Variants in ATP9B observed in about 807,000 individuals in gnomAD.
ATP9B encodes ATPase phospholipid transporting 9B.
Under a neutral mutation model 146.1 loss-of-function variants are expected in ATP9B, and 110 were observed. The ratio of observed to expected loss-of-function variants is 0.75; its 90% confidence interval spans 0.65 to 0.88. The LOEUF (loss-of-function observed/expected upper bound fraction) is 0.88, where lower values mean the gene tolerates loss of function less well. Among genes scored for constraint, ATP9B ranks in the 40% least tolerant of loss-of-function variants. The pLI is 0.00. For missense variants in ATP9B, 1,499 were observed against 1,496.4 expected, an observed-to-expected ratio of 1.00 and a Z score of -0.03; for synonymous variants, 604 against 569.7, an observed-to-expected ratio of 1.06 and a Z score of -0.86.
rs376334170 is a variant in ATP9B, at chr18:79,282,526, G to C, written c.1411+5330G>C. 2.6e-5 allele frequency among the ~76,000 whole-genome samples: 4 copies of C among 152,316 alleles called. No homozygotes were observed. The South Asian group carries it at 8.3e-4, about 32-fold the overall frequency. On this transcript the variant is annotated intron_variant, in intron 13 of 29. Transcript: ENST00000426216. ...GCAAAAAGATTAAAAGTTGCTGAAG[G>C]CTCAGATGATTGTTAGCACGTTTTA...
intron 15 of ATP9B, among the ~76,000 whole-genome samples, chr18:79,311,673 A>G (rs1229013499): frequency 2.0e-5 from 3 of 152,246 alleles, no homozygotes; most frequent in African/African-American, 7.2e-5. Context: ...GTGAAAAAGT[A>G]GCCAAAACGA....
intron 4 of ATP9B, among the ~76,000 whole-genome samples, chr18:79,124,372 G>A (rs2094244752): frequency 6.6e-6 from 1 of 152,226 alleles, no homozygotes; most frequent in Non-Finnish European, 1.5e-5. Flanking sequence ...TCTAAAAAAA[G>A]AATACAGTGT....
rs149838901 is a variant in ATP9B at position 79,346,908 on chromosome 18, C to T, written c.2683-862C>T. On this transcript the variant is annotated intron_variant, in intron 23 of 29. Coordinates refer to ENST00000426216, the MANE Select transcript of ATP9B (RefSeq NM_198531.5). ...GAATAAAGGAGGAATTGGTCGGAGT[C>T]CCCCGCTTTGACCTCACATTTCATA... 2.4e-3 allele frequency among the ~76,000 whole-genome samples: 367 copies of T among 152,366 alleles called. 1 individual carries two copies. Among genetic ancestry groups the T allele is most frequent in the South Asian group, 6.4e-3 (31 of 4,830 alleles).
intron 3 of ATP9B, among the ~76,000 whole-genome samples, chr18:79,112,003 G>A: frequency 6.6e-6 from 1 of 152,136 alleles, no homozygotes; most frequent in East Asian, 1.9e-4. Context: ...TTTATTTCCT[G>A]CTGAGATTAA....
chr18:79,156,194 T>C (rs2094778216), intron 7 of ATP9B, among the ~76,000 whole-genome samples: 1 of 152,214 alleles, frequency 6.6e-6, no homozygotes, highest in Non-Finnish European at 1.5e-5. Flanking sequence ...TATTATGTGT[T>C]GTTTCATGTG....
At chr18:79,217,285 C>T (rs575741833) in intron 11 of ATP9B, among the ~76,000 whole-genome samples, 1 of 152,308 alleles carries the variant, frequency 6.6e-6, no homozygotes, top group Non-Finnish European at 1.5e-5. Flanking sequence ...CCCGAGTTCA[C>T]GCCATTCTCC....
chr18:79,349,046 G>A (rs1358853086), intron 25 of ATP9B, among the ~76,000 whole-genome samples: 2 of 152,226 alleles, frequency 1.3e-5, no homozygotes, highest in Non-Finnish European at 2.9e-5. Context: ...GCAGGCATGC[G>A]ACGTGCATTG....
At chr18:79,279,040 G>A (rs1450452260) in intron 13 of ATP9B, among the ~76,000 whole-genome samples, 1 of 152,192 alleles carries the variant, frequency 6.6e-6, no homozygotes, top group African/African-American at 2.4e-5. Flanking sequence ...ACCTAGGGGT[G>A]GACGAGCCCC....
At chr18:79,133,288 C>G (rs1599789770) in intron 5 of ATP9B, among the ~76,000 whole-genome samples, 1 of 151,924 alleles carries the variant, frequency 6.6e-6, no homozygotes, top group East Asian at 2.0e-4. Flanking sequence ...CAGGAACATT[C>G]AGTATACATC....
intron 7 of ATP9B, among the ~76,000 whole-genome samples, chr18:79,166,842 C>T (rs1462262002): frequency 2.0e-5 from 3 of 152,132 alleles, no homozygotes; most frequent in Non-Finnish European, 2.9e-5. Context: ...TTAGCTTGTG[C>T]TGCCGGCCCG....
At chr18:79,297,219 G>C (rs141495870) in intron 13 of ATP9B, among the ~76,000 whole-genome samples, 7,251 of 145,338 alleles carry the variant, frequency 0.05, 315 homozygotes, top group African/African-American at 0.13. Context: ...CCAGAGAGAA[G>C]ACAGAGAGAT....
At chr18:79,252,814 T>C (rs530049908) in intron 11 of ATP9B, among the ~76,000 whole-genome samples, 2 of 151,708 alleles carry the variant, frequency 1.3e-5, no homozygotes, top group African/African-American at 4.9e-5. Context: ...TTTTTTTTTT[T>C]CTGTAAGACA....
chr18:79,338,303 G>T (rs941540270), intron 19 of ATP9B, among the ~76,000 whole-genome samples: 6 of 152,202 alleles, frequency 3.9e-5, no homozygotes, highest in Non-Finnish European at 1.5e-5. Context: ...CAGGGCAGGT[G>T]CAAAGCTGCT....
At chr18:79,110,640 T>G (rs2075947937) in intron 3 of ATP9B, 135 bp downstream of exon 3, 1 of 766,348 alleles carries the variant, frequency 1.3e-6, no homozygotes, top group African/African-American at 1.8e-5. Context: ...CTTTTGCTTT[T>G]GAACCATCTG....
At position 79,069,414 on chromosome 18, in the gene ATP9B, G is replaced by C. The variant is rs1464617075; in HGVS notation, c.4G>C (p.Ala2Pro). 1 of 1,516,920 alleles carries C rather than the reference G, an allele frequency of 6.6e-7. No homozygotes were observed. Among genetic ancestry groups the C allele is most frequent in the Non-Finnish European group, 8.8e-7 (1 of 1,135,628 alleles). 94.0% of individuals were successfully genotyped at this position (1,516,920 alleles called of 1,614,324 possible). Residue 2 changes from alanine to proline, a missense_variant, in exon 1 of 30, where the codon GCG (alanine) becomes CCG (proline). Coordinates refer to ENST00000426216, the MANE Select transcript of ATP9B (RefSeq NM_198531.5). M[A>P]DQIPLYPVRS... ...GCGGGAAAGGGGCGGTCGGAACATG[G>C]CGGACCAGATCCCGCTTTACCCGGT...
intron 2 of ATP9B, among the ~76,000 whole-genome samples, chr18:79,103,045 G>A (rs768000241): frequency 2.6e-5 from 4 of 152,194 alleles, no homozygotes; most frequent in Non-Finnish European, 5.9e-5. Flanking sequence ...TATAAAGACA[G>A]TCATGCCATC....
intron 9 of ATP9B, among the ~76,000 whole-genome samples, chr18:79,195,080 A>G (rs2095406270): frequency 6.6e-6 from 1 of 152,166 alleles, no homozygotes; most frequent in Non-Finnish European, 1.5e-5. Context: ...AAACATTATA[A>G]TAACCATCAG....
chr18:79,189,069 C>A (rs2095336891), intron 8 of ATP9B, among the ~76,000 whole-genome samples: 1 of 152,032 alleles, frequency 6.6e-6, no homozygotes, highest in Non-Finnish European at 1.5e-5. Context: ...GTCCTTGAGG[C>A]CAGGCACGGT....
intron 8 of ATP9B, among the ~76,000 whole-genome samples, chr18:79,189,417 T>G (rs1272987470): frequency 1.3e-5 from 2 of 152,148 alleles, no homozygotes; most frequent in Non-Finnish European, 2.9e-5. Flanking sequence ...ACATTCCCCT[T>G]GAACAACACA....
Sources: allele counts gnomAD v4.1 joint callset (sites outside exome capture counted in the v4.1 genomes callset), GRCh38; gene constraint gnomAD v4.1.1; transcripts MANE v1.5; gene names NCBI Gene and HGNC (gene_info 2026-07-23, HGNC 2026-07-21).